Variants in FCGR2B observed in about 807,000 individuals in gnomAD.
FCGR2B encodes the protein low affinity immunoglobulin gamma Fc region receptor II-b.
In FCGR2B, 18 loss-of-function variants were observed where a neutral mutation model predicts 24.8. That is an observed-to-expected ratio of 0.73 (90% CI 0.50 to 1.08). The LOEUF (loss-of-function observed/expected upper bound fraction) is 1.08, where lower values mean the gene tolerates loss of function less well. Ranked by LOEUF, FCGR2B falls within the 50% of genes least tolerant of loss-of-function variation. The pLI is 0.00. For missense variants in FCGR2B, 215 were observed against 297.6 expected (o/e 0.72, Z 2.04); for synonymous variants, 79 against 109.8 (o/e 0.72, Z 1.75).
Position 161,671,583 on chromosome 1 carries a change from G to T in FCGR2B, c.325G>T (p.Gly109Trp), listed in dbSNP as rs781046527. ...GTTCAAGGCCAACAACAATGACAGCGGGGAGTACACGTGCCAGACTGGCCA... is the reference window on the plus strand; with the variant it reads ...GTTCAAGGCCAACAACAATGACAGCTGGGAGTACACGTGCCAGACTGGCCA... ...YRFKANNNDS[G>W]EYTCQTGQTS... The change falls in exon 3 of 8, where the codon GGG becomes TGG. Residue 109 changes from glycine (G) to tryptophan (W), a missense_variant. By Grantham distance (184) the Gly-to-Trp change is radical. Transcript: ENST00000358671. 1 of 1,614,030 alleles carries T rather than the reference G, an allele frequency of 6.2e-7. No individual in the cohort carries two copies. The highest frequency in any genetic ancestry group is 8.5e-7 in the Non-Finnish European group (1 of 1,180,038).
At chr1:161,660,921 G>C (rs1456389622), upstream of FCGR2B, among the ~76,000 whole-genome samples, 4 of 69,358 alleles carry the variant, frequency 5.8e-5, no homozygotes, top group Non-Finnish European at 1.1e-4. Context: ...AAGAAAGAAA[G>C]AAATTAGCAG....
the FCGR2B span, among the ~76,000 whole-genome samples, chr1:161,652,232 T>C: frequency 1.0e-3 from 139 of 133,918 alleles, 1 homozygote; most frequent in African/African-American, 3.4e-3. Flanking sequence ...TTCAATTACA[T>C]ATATGTTAGG....
chr1:161,651,921 G>A, the FCGR2B span, among the ~76,000 whole-genome samples: 8 of 103,022 alleles, frequency 7.8e-5, 2 homozygotes, highest in East Asian at 2.1e-4. Flanking sequence ...CAACAAGAGC[G>A]AAACTCCATC....
the FCGR2B span, among the ~76,000 whole-genome samples, chr1:161,648,243 C>T: frequency 6.8e-6 from 1 of 146,818 alleles, no homozygotes; most frequent in African/African-American, 2.5e-5. Flanking sequence ...TGTGCCATCC[C>T]GAAGTGTTTG....
chr1:161,661,220 AAGAAAG>A (rs1219212837), upstream of FCGR2B, among the ~76,000 whole-genome samples: 22 of 77,922 alleles, frequency 2.8e-4, 5 homozygotes, highest in Middle Eastern at 0.011. Flanking sequence ...GAAAGAAAGA[AAGAAAG>A]AAAGAAAGAA....
intron 2 of FCGR2B, among the ~76,000 whole-genome samples, chr1:161,671,138 G>A (rs528879226): frequency 1.3e-5 from 2 of 152,308 alleles, no homozygotes; most frequent in South Asian, 2.1e-4. Context: ...TAAAGTATAT[G>A]TATTTCGAGG....
Position 161,678,470 on chromosome 1 carries a change from C to T in FCGR2B, c.*917C>T, listed in dbSNP as rs183581942. ...CAGCCTAGGTGTGTAGTAGGCCACA[C>T]CATTTAGGTTTGTATAAGTACCTGC... On this transcript the variant is annotated 3_prime_UTR_variant, in exon 8 of 8. Coordinates refer to ENST00000358671, the MANE Select transcript of FCGR2B (RefSeq NM_001394477.1). 10 of 218,166 alleles carry T rather than the reference C, an allele frequency of 4.6e-5. No homozygotes were observed. The highest frequency in any genetic ancestry group is 9.2e-5 in the Non-Finnish European group (10 of 108,552). The allele number at this position is 218,166 out of a possible 1,614,324, so 13.5% of individuals were successfully genotyped here. A position where few individuals can be genotyped will look rare whatever the true frequency, so the allele number is the denominator to read the frequency against.
At chr1:161,661,247 AAAGAAAGAAAGAAAGG>A (rs752515732), upstream of FCGR2B, among the ~76,000 whole-genome samples, 8,255 of 62,484 alleles carry the variant, frequency 0.13, 712 homozygotes, top group African/African-American at 0.16. Flanking sequence ...AGAAAGAAAG[AAAGAAAGAAAGAAAGG>A]AAGGAAGCAA....
At chr1:161,647,434 G>T in the FCGR2B span, among the ~76,000 whole-genome samples, 3 of 150,030 alleles carry the variant, frequency 2.0e-5, no homozygotes, top group African/African-American at 4.9e-5. Context: ...CTGAGTAGCT[G>T]GGACTACAGG....
chr1:161,671,467 C>A lies in FCGR2B; in HGVS notation c.209C>A (p.Thr70Lys), dbSNP rs1160681785. The A allele has an allele frequency of 1.2e-6, 2 of 1,614,088 alleles. No individual in the cohort carries two copies. The highest frequency in any genetic ancestry group is 1.7e-6 in the Non-Finnish European group (2 of 1,180,052). ...CTCCAGGAGGACTCTGTGACTCTGA[C>A]ATGCCGGGGGACTCACAGCCCTGAG... ...NVLQEDSVTL[T>K]CRGTHSPESD... The change falls in exon 3 of 8, where the codon ACA becomes AAA. Residue 70 changes from threonine to lysine, a missense_variant. Thr to Lys is a moderately conservative substitution (Grantham distance 78, BLOSUM62 -1). This residue lies in a region of FCGR2B where 77 missense variants were observed against 68.8 expected (regional missense o/e 1.12). Transcript: ENST00000358671.
At chr1:161,668,964 TAC>T (rs3039547) in intron 1 of FCGR2B, among the ~76,000 whole-genome samples, 38 of 96,972 alleles carry the variant, frequency 3.9e-4, no homozygotes, top group African/African-American at 2.8e-4. Context: ...CACACACACA[TAC>T]ACACACACAC....
Position 161,675,255 on chromosome 1 carries a change from A to C in FCGR2B, c.761-2A>C, listed in dbSNP as rs768897927. ...TACTAACCTCCTGTGTGCCCCTCCC[A>C]GCTCTCCCAGGATACCCTGAGTGCA... On this transcript the variant is annotated splice_acceptor_variant, in intron 5 of 7. Coordinates refer to ENST00000358671, the MANE Select transcript of FCGR2B (RefSeq NM_001394477.1). LOFTEE classifies it high-confidence loss of function. The C allele has an allele frequency of 3.1e-6, 5 of 1,605,766 alleles. No individual in the cohort carries two copies. The highest frequency in any genetic ancestry group is 4.2e-6 in the Non-Finnish European group (5 of 1,176,604).
chr1:161,648,176 C>A, the FCGR2B span, among the ~76,000 whole-genome samples: 2 of 148,974 alleles, frequency 1.3e-5, no homozygotes, highest in African/African-American at 2.5e-5. Context: ...TTCAGTATGG[C>A]ACATAGCATC....
At chr1:161,669,493 C>T (rs1007627897) in intron 1 of FCGR2B, among the ~76,000 whole-genome samples, 2 of 141,676 alleles carry the variant, frequency 1.4e-5, no homozygotes, top group African/African-American at 4.9e-5. Flanking sequence ...TCACTTGAAC[C>T]TGGGAGGCGG....
Position 161,677,860 on chromosome 1 carries a change from G to A in FCGR2B, c.*307G>A. 1 of 345,070 alleles carries A rather than the reference G, an allele frequency of 2.9e-6. No homozygotes were observed. Among genetic ancestry groups the A allele is most frequent in the South Asian group, 7.4e-5 (1 of 13,580 alleles). 21.4% of individuals were successfully genotyped at this position (345,070 alleles called of 1,614,324 possible). ...TTATTAACAGATAATAGCAACTTGG[G>A]AAATGCTTATGTTACAGGTTACGTG... On this transcript the variant is annotated 3_prime_UTR_variant, in exon 8 of 8. Coordinates refer to ENST00000358671, the MANE Select transcript of FCGR2B (RefSeq NM_001394477.1).
chr1:161,678,240 C>T lies in FCGR2B; in HGVS notation c.*687C>T, dbSNP rs1292146465. The T allele has an allele frequency of 1.4e-5, 3 of 220,306 alleles. No homozygotes were observed. The East Asian group carries it at 2.0e-4, about 15-fold the overall frequency. The allele number at this position is 220,306 out of a possible 1,614,324, so 13.6% of individuals were successfully genotyped here. On this transcript the variant is annotated 3_prime_UTR_variant, in exon 8 of 8. Transcript: ENST00000358671. ...TTTCTTAAAACTGAATACAGTCACG[C>T]ACCACATAATGATGTTTAGTTCAAC...
Position 161,677,649 on chromosome 1 carries a change from G to A in FCGR2B, c.*96G>A, listed in dbSNP as rs1039107722. On this transcript the variant is annotated 3_prime_UTR_variant, in exon 8 of 8. Transcript: ENST00000358671. ...TTCCCCTTGGGGAGGACAGGGAGAT[G>A]CTGCAGTTCCAAAAGAGAAGGTTTC... 5 of 949,160 alleles carry A rather than the reference G, an allele frequency of 5.3e-6. No individual in the cohort carries two copies. The highest frequency in any genetic ancestry group is 8.2e-6 in the Non-Finnish European group (5 of 609,116). 58.8% of individuals were successfully genotyped at this position (949,160 alleles called of 1,614,324 possible).
At chr1:161,675,173 C>T (rs1452098485) in intron 5 of FCGR2B, 84 bp from the exon 6 acceptor site, 11 of 900,176 alleles carry the variant, frequency 1.2e-5, no homozygotes, top group Non-Finnish European at 1.9e-5. Flanking sequence ...GAGCTGGTCC[C>T]ATCCAACCCT....
rs1016052360 is a variant in FCGR2B at position 161,669,597 on chromosome 1, A to G, written c.113-655A>G. Among the ~76,000 whole-genome samples, 9 of 142,738 alleles carry G rather than the reference A, an allele frequency of 6.3e-5. 1 individual carries two copies. The highest frequency in any genetic ancestry group is 2.0e-4 in the African/African-American group (8 of 40,604). 93.6% of individuals were successfully genotyped at this position (142,738 alleles called of 152,430 possible). ...CACAAAATAAAATAAAATAAAATAA[A>G]ATAAAATAAAATAAAATAAAATAAA... On this transcript the variant is annotated intron_variant, in intron 1 of 7. Coordinates refer to ENST00000358671, the MANE Select transcript of FCGR2B (RefSeq NM_001394477.1).
Sources: gnomAD v4.1 joint callset for allele counts (sites outside exome capture counted in the v4.1 genomes callset) on GRCh38, gnomAD v4.1.1 for gene constraint, gnomAD v4.1.1 regional missense constraint, MANE v1.5 for transcripts, NCBI Gene and HGNC (gene_info 2026-07-23, HGNC 2026-07-21) for gene names.